The following TRPM3 variants were observed in gnomAD, a reference collection of about 807,000 sequenced individuals.
TRPM3 encodes the protein long transient receptor potential channel 3.
In TRPM3, 77 loss-of-function variants were observed where a neutral mutation model predicts 181.2. That is an observed-to-expected ratio of 0.42 (90% CI 0.35 to 0.51). The LOEUF (loss-of-function observed/expected upper bound fraction) is 0.51. Ranked by LOEUF, TRPM3 falls within the 20% of genes least tolerant of loss-of-function variation. TRPM3 has a pLI of 0.01. For missense variants in TRPM3, 1,759 were observed against 2,196.7 expected, an observed-to-expected ratio of 0.80 and a Z score of 3.98; for synonymous variants, 745 against 796.4, an observed-to-expected ratio of 0.94 and a Z score of 1.09.
chr9:71,332,046 AAC>A (rs984907139), intron 1 of TRPM3, among the ~76,000 whole-genome samples: 33 of 150,608 alleles, frequency 2.2e-4, no homozygotes, highest in African/African-American at 7.1e-4. Flanking sequence ...ACTTTCTGTA[AAC>A]ACAGTATGGT....
intron 1 of TRPM3, among the ~76,000 whole-genome samples, chr9:70,900,859 A>T (rs1036694537): frequency 6.6e-6 from 1 of 152,262 alleles, no homozygotes; most frequent in African/African-American, 2.4e-5. Context: ...AGGTAGTCAC[A>T]ATACTATTGT....
intron 1 of TRPM3, among the ~76,000 whole-genome samples, chr9:71,322,515 G>T (rs1484361428): frequency 6.6e-6 from 1 of 152,058 alleles, no homozygotes; most frequent in Non-Finnish European, 1.5e-5. Context: ...TTACAGCAAA[G>T]TTAGACTATA....
At chr9:71,445,703 T>A (rs970936618) in intron 1 of TRPM3, among the ~76,000 whole-genome samples, 2 of 152,216 alleles carry the variant, frequency 1.3e-5, no homozygotes, top group Non-Finnish European at 2.9e-5. Flanking sequence ...AATGCTTATG[T>A]ACCATTCTCT....
At chr9:70,849,529 CTAAGA>C (rs1164714187) in intron 3 of TRPM3, among the ~76,000 whole-genome samples, 1 of 152,042 alleles carries the variant, frequency 6.6e-6, no homozygotes, top group Non-Finnish European at 1.5e-5. Context: ...GGAAGATAAA[CTAAGA>C]TATTAGTTAA....
intron 1 of TRPM3, among the ~76,000 whole-genome samples, chr9:71,417,963 A>G (rs749320619): frequency 1.5e-4 from 23 of 152,014 alleles, no homozygotes; most frequent in Non-Finnish European, 3.1e-4. Flanking sequence ...AGTTTCTAAA[A>G]AGACTAAAAA....
At chr9:70,959,153 T>C (rs2097110857) in intron 1 of TRPM3, among the ~76,000 whole-genome samples, 2 of 150,718 alleles carry the variant, frequency 1.3e-5, no homozygotes, top group Admixed American at 1.3e-4. Context: ...TAAAGTATAA[T>C]AATAATAAAA....
At chr9:70,988,400 T>C (rs1248074431) in intron 1 of TRPM3, among the ~76,000 whole-genome samples, 1 of 152,176 alleles carries the variant, frequency 6.6e-6, no homozygotes, top group Admixed American at 6.5e-5. Flanking sequence ...GTTAAGAGCA[T>C]AAAAACACTA....
intron 4 of TRPM3, among the ~76,000 whole-genome samples, chr9:70,843,886 C>T (rs10121000): frequency 0.37 from 55,674 of 151,860 alleles, 10,596 homozygotes; most frequent in Non-Finnish European, 0.38. Context: ...ATATCCTCTA[C>T]GAAAAGATGT....
At chr9:70,589,378 C>T (rs1173076782) in intron 22 of TRPM3, among the ~76,000 whole-genome samples, 1 of 152,194 alleles carries the variant, frequency 6.6e-6, no homozygotes. Context: ...CTCCCTCCTT[C>T]TCCCATCCCA....
chr9:70,902,229 G>C (rs2096396883), intron 1 of TRPM3, among the ~76,000 whole-genome samples: 1 of 152,194 alleles, frequency 6.6e-6, no homozygotes, highest in Admixed American at 6.5e-5. Flanking sequence ...AGAAGTCTAA[G>C]CTTCAAATAG....
At chr9:71,088,658 T>A (rs2065683004) in intron 1 of TRPM3, among the ~76,000 whole-genome samples, 1 of 152,102 alleles carries the variant, frequency 6.6e-6, no homozygotes, top group South Asian at 2.1e-4. Flanking sequence ...GAAACAGAAT[T>A]TCAAAAGCGT....
At chr9:71,226,166 T>C (rs1212365325) in intron 1 of TRPM3, among the ~76,000 whole-genome samples, 2 of 150,500 alleles carry the variant, frequency 1.3e-5, no homozygotes, top group Non-Finnish European at 3.0e-5. Flanking sequence ...TAATCTCAAA[T>C]TTAAAAACAT....
At chr9:71,291,708 A>G (rs1180587128) in intron 1 of TRPM3, among the ~76,000 whole-genome samples, 1 of 152,118 alleles carries the variant, frequency 6.6e-6, no homozygotes, top group Non-Finnish European at 1.5e-5. Flanking sequence ...ACAAAAAACA[A>G]TTACAAATCT....
intron 1 of TRPM3, among the ~76,000 whole-genome samples, chr9:71,438,301 T>A (rs1314067402): frequency 6.6e-6 from 1 of 152,188 alleles, no homozygotes; most frequent in Non-Finnish European, 1.5e-5. Flanking sequence ...ATCAAGTAAA[T>A]ACAGTTCTAA....
chr9:70,616,855 C>T (rs79875547), intron 17 of TRPM3, among the ~76,000 whole-genome samples: 2,079 of 152,226 alleles, frequency 0.014, 44 homozygotes, highest in African/African-American at 0.047. Flanking sequence ...TCTGAGAGGG[C>T]GGTCTCATTC....
intron 1 of TRPM3, among the ~76,000 whole-genome samples, chr9:71,397,711 A>C (rs536905271): frequency 6.6e-6 from 1 of 152,338 alleles, no homozygotes; most frequent in East Asian, 1.9e-4. Flanking sequence ...GCAGTCACCT[A>C]AATTCCCATG....
At chr9:70,971,163 C>G (rs1022139677) in intron 1 of TRPM3, among the ~76,000 whole-genome samples, 1 of 151,910 alleles carries the variant, frequency 6.6e-6, no homozygotes, top group Non-Finnish European at 1.5e-5. Flanking sequence ...TATAAAATGC[C>G]GACTGTAAAG....
intron 1 of TRPM3, among the ~76,000 whole-genome samples, chr9:71,290,301 G>A (rs1269120235): frequency 6.6e-6 from 1 of 151,916 alleles, no homozygotes; most frequent in Non-Finnish European, 1.5e-5. Context: ...ATATCGTAAT[G>A]TAATTCAGAA....
intron 3 of TRPM3, among the ~76,000 whole-genome samples, chr9:70,856,450 G>C (rs1391684349): frequency 6.6e-6 from 1 of 152,188 alleles, no homozygotes; most frequent in Non-Finnish European, 1.5e-5. Context: ...TTCCTACTTG[G>C]TGTGTGCCAA....
Sources: gnomAD v4.1 joint callset for allele counts (sites outside exome capture counted in the v4.1 genomes callset) on GRCh38, gnomAD v4.1.1 for gene constraint, MANE v1.5 for transcripts, NCBI Gene and HGNC (gene_info 2026-07-23, HGNC 2026-07-21) for gene names.